Variants in OLA1 observed in about 807,000 individuals in gnomAD.
OLA1 encodes the protein obg-like ATPase 1.
A neutral mutation model predicts 48.4 loss-of-function variants in OLA1; 14 were observed. The ratio of observed to expected loss-of-function variants is 0.29; its 90% CI spans 0.19 to 0.45. OLA1 has a LOEUF of 0.45. OLA1 is among the 20% of genes least tolerant of loss of function. The pLI is 1.00. For missense variants in OLA1, 325 were observed against 467.1 expected, an observed-to-expected ratio of 0.70 and a Z score of 2.80; for synonymous variants, 127 against 150.4, an observed-to-expected ratio of 0.84 and a Z score of 1.14.
At chr2:174,107,915 T>A (rs1558957065) in intron 7 of OLA1, among the ~76,000 whole-genome samples, 1 of 152,086 alleles carries the variant, frequency 6.6e-6, no homozygotes, top group Non-Finnish European at 1.5e-5. Context: ...AAGGGAGGTG[T>A]TTTAAAGAAA....
chr2:174,208,254 C>CTG (rs778587904), intron 4 of OLA1, among the ~76,000 whole-genome samples: 1 of 152,128 alleles, frequency 6.6e-6, no homozygotes, highest in Non-Finnish European at 1.5e-5. Context: ...ATATCATGTC[C>CTG]TGTATCTTCA....
chr2:174,193,755 C>T (rs150755895), intron 4 of OLA1, among the ~76,000 whole-genome samples: 139 of 152,280 alleles, frequency 9.1e-4, no homozygotes, highest in African/African-American at 2.8e-3. Flanking sequence ...CACCAGGAAT[C>T]GCTGTCTATT....
At chr2:174,235,682 A>G (rs1453443300) in intron 2 of OLA1, among the ~76,000 whole-genome samples, 1 of 152,192 alleles carries the variant, frequency 6.6e-6, no homozygotes, top group Non-Finnish European at 1.5e-5. Context: ...TTAGGAGGCC[A>G]AGGCAGCTAG....
At chr2:174,109,450 C>T (rs1685595125) in intron 7 of OLA1, among the ~76,000 whole-genome samples, 1 of 152,100 alleles carries the variant, frequency 6.6e-6, no homozygotes, top group South Asian at 2.1e-4. Flanking sequence ...ATTGCTGAAA[C>T]AATTATTTAA....
At chr2:174,168,819 C>G (rs911157444) in intron 4 of OLA1, among the ~76,000 whole-genome samples, 1 of 151,384 alleles carries the variant, frequency 6.6e-6, no homozygotes. Flanking sequence ...ATGGACATAA[C>G]AGCCAAATTA....
intron 4 of OLA1, among the ~76,000 whole-genome samples, chr2:174,149,120 C>CCA (rs1686684958): frequency 6.6e-6 from 1 of 152,176 alleles, no homozygotes; most frequent in African/African-American, 2.4e-5. Flanking sequence ...ACAACTCAAC[C>CCA]CACTATAGTC....
chr2:174,170,713 C>A (rs1288685385), intron 4 of OLA1, among the ~76,000 whole-genome samples: 1 of 152,106 alleles, frequency 6.6e-6, no homozygotes, highest in Non-Finnish European at 1.5e-5. Context: ...GCCGAGGCAA[C>A]ATAGCAAGAT....
At chr2:174,239,851 G>A (rs990241515) in intron 2 of OLA1, among the ~76,000 whole-genome samples, 2 of 151,540 alleles carry the variant, frequency 1.3e-5, no homozygotes, top group Admixed American at 1.3e-4. Context: ...CTATGATCAG[G>A]CCAAGGTACT....
intron 5 of OLA1, among the ~76,000 whole-genome samples, chr2:174,138,449 A>G (rs997088850): frequency 6.6e-6 from 1 of 152,240 alleles, no homozygotes; most frequent in Admixed American, 6.5e-5. Flanking sequence ...TAAAGCAGTT[A>G]TAACAGGAAC....
intron 4 of OLA1, among the ~76,000 whole-genome samples, chr2:174,156,302 C>T (rs754048291): frequency 1.3e-4 from 20 of 152,082 alleles, no homozygotes; most frequent in Admixed American, 2.0e-4. Context: ...GTAACACACA[C>T]GCACACAAGC....
chr2:174,094,357 C>G (rs1685195965), intron 7 of OLA1, among the ~76,000 whole-genome samples: 1 of 152,184 alleles, frequency 6.6e-6, no homozygotes, highest in African/African-American at 2.4e-5. Context: ...GGCAACGTTC[C>G]TCAAACAGAT....
At chr2:174,075,906 T>C (rs374535407) in intron 10 of OLA1, among the ~76,000 whole-genome samples, 1 of 152,180 alleles carries the variant, frequency 6.6e-6, no homozygotes, top group Non-Finnish European at 1.5e-5. Context: ...AAAGACTATA[T>C]AACTAGTTAA....
chr2:174,117,181 T>C (rs1213195950), intron 7 of OLA1, among the ~76,000 whole-genome samples: 1 of 152,210 alleles, frequency 6.6e-6, no homozygotes, highest in Non-Finnish European at 1.5e-5. Flanking sequence ...ACCAAGGTAA[T>C]GTATCCAAAA....
intron 1 of OLA1, chr2:174,247,718 G>A: frequency 1.3e-6 from 2 of 1,551,118 alleles, no homozygotes; most frequent in Non-Finnish European, 8.7e-7. Context: ...TGGCACTGAA[G>A]GTACGGCTCA....
intron 7 of OLA1, among the ~76,000 whole-genome samples, chr2:174,082,529 T>C (rs1156642691): frequency 6.6e-6 from 1 of 152,196 alleles, no homozygotes. Flanking sequence ...GATATCTATA[T>C]GCCTGGTTTA....
Position 174,073,426 on chromosome 2 carries a change from GC to G in OLA1, c.*1999del, listed in dbSNP as rs2105334285. ...AAGGAGGGAAAACGTTTAGATATAG[GC>G]ATATATATGATTATATGTAACAGTT... On this transcript the variant is annotated 3_prime_UTR_variant, in exon 11 of 11. Coordinates refer to ENST00000284719, the MANE Select transcript of OLA1 (RefSeq NM_013341.5). 6.6e-6 allele frequency: 1 copy of G among 152,182 alleles called. No homozygotes were observed. Among genetic ancestry groups the G allele is most frequent in the Non-Finnish European group, 1.5e-5 (1 of 68,008 alleles). 9.4% of individuals were successfully genotyped at this position (152,182 alleles called of 1,614,324 possible). A position where few individuals can be genotyped will look rare whatever the true frequency, so the allele number is the denominator to read the frequency against.
chr2:174,140,481 C>A (rs1183574135), intron 5 of OLA1, among the ~76,000 whole-genome samples: 1 of 151,982 alleles, frequency 6.6e-6, no homozygotes, highest in Non-Finnish European at 1.5e-5. Flanking sequence ...GATTCTCCTG[C>A]CTCAGCCTCC....
chr2:174,227,094 TA>T (rs537871702), intron 3 of OLA1, among the ~76,000 whole-genome samples: 92 of 143,736 alleles, frequency 6.4e-4, no homozygotes, highest in Non-Finnish European at 5.1e-4. Context: ...ATTCTGTCTT[TA>T]AAAAAAAAAA....
At chr2:174,122,323 A>G (rs1685932137) in intron 7 of OLA1, among the ~76,000 whole-genome samples, 2 of 152,148 alleles carry the variant, frequency 1.3e-5, no homozygotes, top group South Asian at 4.1e-4. Context: ...ATGAATGTTT[A>G]TTTTTCAGTT....
Sources: gnomAD v4.1 joint callset for allele counts (sites outside exome capture counted in the v4.1 genomes callset) on GRCh38, gnomAD v4.1.1 for gene constraint, MANE v1.5 for transcripts, NCBI Gene and HGNC (gene_info 2026-07-23, HGNC 2026-07-21) for gene names.